The following CPS1 variants were observed in gnomAD, a reference collection of about 807,000 sequenced individuals.
CPS1 encodes carbamoyl-phosphate synthase 1, also known as carbamoyl-phosphate synthase [ammonia], mitochondrial.
A neutral mutation model predicts 174.6 loss-of-function variants in CPS1; 109 were observed. That is an observed-to-expected ratio of 0.62 (90% CI 0.53 to 0.73). The LOEUF (loss-of-function observed/expected upper bound fraction) is 0.73, where lower values mean the gene tolerates loss of function less well. Ranked by LOEUF, CPS1 falls within the 30% of genes least tolerant of loss-of-function variation. CPS1 has a pLI of 0.00. For missense variants in CPS1, 1,689 were observed against 1,821.9 expected (o/e 0.93, Z 1.33); for synonymous variants, 637 against 632.0 (o/e 1.01, Z -0.12).
At chr2:210,497,918 A>ATATATATC (rs970136471) in intron 1 of CPS1, among the ~76,000 whole-genome samples, 10 of 142,202 alleles carry the variant, frequency 7.0e-5, no homozygotes, top group African/African-American at 2.4e-4. Flanking sequence ...ATATATATAT[A>ATATATATC]TCTCCAGTAA....
intron 2 of CPS1, among the ~76,000 whole-genome samples, chr2:210,575,359 T>A (rs1697658610): frequency 6.6e-6 from 1 of 152,000 alleles, no homozygotes; most frequent in South Asian, 2.1e-4. Flanking sequence ...TTGCAGAAAG[T>A]GGACATGGAA....
At chr2:210,676,932 CA>C (rs1309704191) in intron 36 of CPS1, 74 bp from the exon 37 acceptor site, 2 of 1,457,054 alleles carry the variant, frequency 1.4e-6, no homozygotes, top group African/African-American at 2.8e-5. Context: ...GCTAAGAGAG[CA>C]ATTTATGTTA....
At position 210,656,573 on chromosome 2, in the gene CPS1, T is replaced by C. The variant is rs1319489001; in HGVS notation, c.3607T>C (p.Ser1203Pro). ...SEHVEDAGVH[S>P]GDATLMLPTQ... ...ACATGTTGAAGATGCAGGTGTCCAC[T>C]CGGGAGATGCCACTCTGATGCTGCC... is the stretch of plus-strand genomic sequence containing the variant. The change falls in exon 30 of 38, where the codon TCG (serine) becomes CCG (proline). Residue 1203 changes from serine to proline, a missense_variant. Ser to Pro is a moderately conservative substitution (Grantham distance 74, BLOSUM62 -1). Transcript: ENST00000233072. The C allele has an allele frequency of 3.1e-6, 5 of 1,610,480 alleles. No individual in the cohort carries two copies. Among genetic ancestry groups the C allele is most frequent in the Non-Finnish European group, 4.2e-6 (5 of 1,179,552 alleles).
rs924369645 is a variant in CPS1, at chr2:210,570,980, G to A, written c.127-2318G>A. Among the ~76,000 whole-genome samples the A allele has an allele frequency of 9.2e-5, 14 of 151,846 alleles. 1 individual carries two copies. Among genetic ancestry groups the A allele is most frequent in the African/African-American group, 2.7e-4 (11 of 41,388 alleles). The stretch of plus-strand genomic sequence containing the variant: ...AAATCTTCAACTTCTGTCTTGAATT[G>A]TAATTAGACAAAAACTAGCAAATTA... On this transcript the variant is annotated intron_variant, in intron 1 of 37. Coordinates refer to ENST00000233072, the MANE Select transcript of CPS1 (RefSeq NM_001875.5).
chr2:210,641,344 T>C, intron 24 of CPS1, among the ~76,000 whole-genome samples: 1 of 152,162 alleles, frequency 6.6e-6, no homozygotes, highest in East Asian at 1.9e-4. Context: ...CAGGCTAGTC[T>C]CACACTTCTG....
chr2:210,481,087 C>A (rs1694557200), intron 1 of CPS1, among the ~76,000 whole-genome samples: 1 of 152,170 alleles, frequency 6.6e-6, no homozygotes, highest in Non-Finnish European at 1.5e-5. Context: ...TCTCAATGTA[C>A]CTGCTGGGTG....
intron 33 of CPS1, among the ~76,000 whole-genome samples, chr2:210,666,170 G>A (rs1701089273): frequency 6.6e-6 from 1 of 151,716 alleles, no homozygotes; most frequent in Non-Finnish European, 1.5e-5. Context: ...TTTTGATGGG[G>A]TTGTTTGTTT....
At position 210,660,649 on chromosome 2, in the gene CPS1, A is replaced by G. The variant is rs780550238; in HGVS notation, c.3921A>G (p.Ala1307=). 1.5e-5 allele frequency: 25 copies of G among 1,613,964 alleles called. No individual in the cohort carries two copies. In the Admixed American group the frequency reaches 4.2e-4, roughly 27 times the overall value. ...DHPIIPADYV[A]IKAPMFSWPR... is the part of the protein sequence containing the mutation. ...CCATAATTCCTGCTGACTATGTTGC[A>G]ATTAAGGTAACATTTTCAAAAATTT... is the stretch of plus-strand genomic sequence containing the variant. Residue 1307 remains alanine (A), a synonymous_variant, in exon 32 of 38, where the codon GCA becomes GCG. Transcript: ENST00000233072.
chr2:210,488,657 A>C (rs868584536), intron 1 of CPS1, among the ~76,000 whole-genome samples: 67 of 152,252 alleles, frequency 4.4e-4, no homozygotes, highest in African/African-American at 1.6e-3. Flanking sequence ...CAATGGATTT[A>C]TCAGTGACTG....
In CPS1 at chr2:210,505,373, A is replaced by G. The variant is rs534540026; in HGVS notation, c.3+27607A>G. On this transcript the variant is annotated intron_variant, in intron 1 of 38. Transcript: ENST00000430249. Reference sequence around the variant, plus strand: ...TTGCTAGAAAACAGTGATAATCTCAATAGAAGAATCTAAGAGCTAGAAGAC... The same window carrying G: ...TTGCTAGAAAACAGTGATAATCTCAGTAGAAGAATCTAAGAGCTAGAAGAC... Among the ~76,000 whole-genome samples, 4 of 152,182 alleles carry G rather than the reference A, an allele frequency of 2.6e-5. No individual in the cohort carries two copies. In the East Asian group the frequency reaches 7.8e-4, roughly 30 times the overall value.
At chr2:210,658,764 T>G (rs1700809853) in intron 31 of CPS1, 76 bp downstream of exon 31, 1 of 1,095,912 alleles carries the variant, frequency 9.1e-7, no homozygotes, top group Non-Finnish European at 1.4e-6. Flanking sequence ...TCTGGTAATC[T>G]TCTCTGTGAA....
At chr2:210,604,636 TCTC>T (rs1698843143) in intron 16 of CPS1, among the ~76,000 whole-genome samples, 2 of 151,876 alleles carry the variant, frequency 1.3e-5, no homozygotes, top group South Asian at 4.1e-4. Flanking sequence ...TCATCTCCTT[TCTC>T]CTCCTCATCA....
At chr2:210,662,099 A>G (rs1023818455) in intron 32 of CPS1, among the ~76,000 whole-genome samples, 4 of 151,692 alleles carry the variant, frequency 2.6e-5, no homozygotes, top group African/African-American at 9.7e-5. Context: ...CATTTTTAGT[A>G]GAGATGGGGT....
At chr2:210,501,849 T>C (rs1434597427) in intron 1 of CPS1, among the ~76,000 whole-genome samples, 1 of 152,182 alleles carries the variant, frequency 6.6e-6, no homozygotes, top group Non-Finnish European at 1.5e-5. Flanking sequence ...CAGCTATCTT[T>C]ACAGCAGCCT....
chr2:210,631,995 A>G (rs917894392), intron 21 of CPS1, among the ~76,000 whole-genome samples: 1 of 152,242 alleles, frequency 6.6e-6, no homozygotes, highest in African/African-American at 2.4e-5. Flanking sequence ...GTCTTGATTT[A>G]CAACATAATA....
chr2:210,670,307 C>T (rs147658424), intron 34 of CPS1, among the ~76,000 whole-genome samples: 458 of 152,242 alleles, frequency 3.0e-3, no homozygotes, highest in Middle Eastern at 6.8e-3. Flanking sequence ...ATAGTTTCTT[C>T]ATTACTATAT....
At chr2:210,496,848 A>C (rs534127973) in intron 1 of CPS1, among the ~76,000 whole-genome samples, 1 of 152,090 alleles carries the variant, frequency 6.6e-6, no homozygotes, top group Non-Finnish European at 1.5e-5. Context: ...TTTAATACTT[A>C]AACTTCTTAT....
chr2:210,635,811 T>A (rs1286722368), intron 21 of CPS1, among the ~76,000 whole-genome samples: 1 of 152,144 alleles, frequency 6.6e-6, no homozygotes, highest in African/African-American at 2.4e-5. Flanking sequence ...AATGGGAGAT[T>A]TAACACACTG....
rs779953141 is a variant in CPS1, at chr2:210,590,229, A to G, written c.835A>G (p.Arg279Gly). Residue 279 changes from arginine (R) to glycine (G), a missense_variant, in exon 8 of 38, where the codon AGA becomes GGA. By Grantham distance (125) the Arg-to-Gly change is moderately radical. Transcript: ENST00000233072. The part of the protein sequence containing the change: ...ALAEPLIQNV[R>G]KILESDRKEP... ...TGCAGAACCACTAATTCAGAATGTC[A>G]GAAAGGTGCAATGAACCTTGAATTC... is the stretch of plus-strand genomic sequence containing the variant. 13 of 1,612,650 alleles carry G rather than the reference A, an allele frequency of 8.1e-6. No homozygotes were observed. Among genetic ancestry groups the G allele is most frequent in the Non-Finnish European group, 1.0e-5 (12 of 1,179,004 alleles).
Sources: allele counts gnomAD v4.1 joint callset (sites outside exome capture counted in the v4.1 genomes callset), GRCh38; gene constraint gnomAD v4.1.1; transcripts MANE v1.5; gene names NCBI Gene and HGNC (gene_info 2026-07-23, HGNC 2026-07-21).